HHIPL2: variants seen among roughly 807,000 people sequenced by gnomAD.
HHIPL2 encodes HHIP like 2, also known as HHIP-like protein 2.
HHIPL2 carries 61 observed loss-of-function variants against 61.0 expected under a neutral mutation model. That is an observed-to-expected ratio of 1.00 (90% CI 0.81 to 1.24). The LOEUF is 1.24. Among genes scored for constraint, HHIPL2 ranks in the 50% most tolerant of loss-of-function variants. The pLI, the probability that HHIPL2 is intolerant of heterozygous loss-of-function variation, is 0.00. For missense variants in HHIPL2, 885 were observed against 910.2 expected (o/e 0.97, Z 0.36); for synonymous variants, 343 against 357.4 (o/e 0.96, Z 0.45).
intron 7 of HHIPL2, among the ~76,000 whole-genome samples, chr1:222,526,001 A>C (rs1296614625): frequency 6.6e-6 from 1 of 151,114 alleles, no homozygotes; most frequent in African/African-American, 2.4e-5. Flanking sequence ...TGTGTCTATT[A>C]AATAAAAAAT....
chr1:222,538,431 G>T (rs981693875), intron 5 of HHIPL2, among the ~76,000 whole-genome samples: 18 of 151,114 alleles, frequency 1.2e-4, no homozygotes, highest in African/African-American at 2.9e-4. Context: ...GACAGAGAGA[G>T]AGAGAGAGAG....
Position 222,523,704 on chromosome 1 carries a change from C to G in HHIPL2, c.1806-10G>C, listed in dbSNP as rs772561627. The G allele has an allele frequency of 4.3e-6, 7 of 1,613,940 alleles. No individual in the cohort carries two copies. Among genetic ancestry groups the G allele is most frequent in the Non-Finnish European group, 5.9e-6 (7 of 1,179,862 alleles). ...GCCTGGGGGTGCTCGCCTAAAAACA[C>G]AAACAGAAAGCATGAGGACGCAAGA... On this transcript the variant is annotated splice_polypyrimidine_tract_variant and intron_variant, in intron 7 of 8. Coordinates refer to ENST00000343410, the MANE Select transcript of HHIPL2 (RefSeq NM_024746.4).
rs373367712 is a variant in HHIPL2, at chr1:222,544,148, G to A, written c.363C>T (p.Asn121=). Residue 121 remains asparagine (N), a synonymous_variant, in exon 2 of 9, where the codon AAC becomes AAT. Transcript: ENST00000343410. The part of the protein sequence containing the change: ...PYAAHLYDAE[N]TQTPLRNLPG... ...GGAGATTCCGGAGAGGCGTCTGGGT[G>A]TTTTCGGCGTCGTAGAGGTGGGCTG... 2.5e-6 allele frequency: 4 copies of A among 1,613,556 alleles called. No homozygotes were observed. In the African/African-American group the frequency reaches 5.3e-5, roughly 22 times the overall value.
chr1:222,527,141 T>G (rs1043628210), intron 6 of HHIPL2, 91 bp from the exon 7 acceptor site: 50 of 986,874 alleles, frequency 5.1e-5, no homozygotes, highest in Non-Finnish European at 7.6e-5. Flanking sequence ...AAAAAGAGGT[T>G]ATGGCCCTAA....
chr1:222,537,107 C>A (rs1659316760), intron 5 of HHIPL2, among the ~76,000 whole-genome samples: 1 of 152,028 alleles, frequency 6.6e-6, no homozygotes, highest in African/African-American at 2.4e-5. Context: ...TGCAAGACTG[C>A]TCTAGCAATT....
Position 222,547,852 on chromosome 1 carries a change from C to A in HHIPL2, c.193G>T (p.Glu65Ter), listed in dbSNP as rs1659588504. The A allele has an allele frequency of 6.2e-7, 1 of 1,614,144 alleles. No individual in the cohort carries two copies. The highest frequency in any genetic ancestry group is 8.5e-7 in the Non-Finnish European group (1 of 1,180,024). The stretch of plus-strand genomic sequence containing the variant: ...TGCTGATCACAGCAGCCGAAGGACT[C>A]ATAGTCAGAGCAAAACTCAAGGTGC... Reference protein sequence around the residue: ...PLHLEFCSDYESFGCCDQHKD... With the variant: ...PLHLEFCSDY Residue 65 changes from glutamate to a stop codon, truncating the protein, a stop_gained, in exon 1 of 9, where the codon GAG (glutamate) becomes TAG (stop). Transcript: ENST00000343410. LOFTEE classifies it high-confidence loss of function.
intron 6 of HHIPL2, among the ~76,000 whole-genome samples, chr1:222,531,190 C>A (rs574827224): frequency 1.3e-5 from 2 of 152,156 alleles, no homozygotes; most frequent in African/African-American, 2.4e-5. Flanking sequence ...AAATAAAATT[C>A]TCCTTTTCTC....
chr1:222,523,474 A>T lies in HHIPL2; in HGVS notation c.1888+138T>A, dbSNP rs1658997442. ...TCCTTACACTCATAACTCCTCTGTT[A>T]TGCAGAGGAGACGTATAGACTTAGT... On this transcript the variant is annotated intron_variant, in intron 8 of 8. Transcript: ENST00000343410. 9 of 729,800 alleles carry T rather than the reference A, an allele frequency of 1.2e-5. No homozygotes were observed. In the Admixed American group the frequency reaches 1.6e-4, roughly 13 times the overall value. 45.2% of individuals were successfully genotyped at this position (729,800 alleles called of 1,614,324 possible).
At chr1:222,541,558 G>A (rs925081562) in intron 3 of HHIPL2, among the ~76,000 whole-genome samples, 7 of 152,070 alleles carry the variant, frequency 4.6e-5, no homozygotes, top group Non-Finnish European at 5.9e-5. Context: ...GCCCTTGAAG[G>A]TTGCTAAAAT....
At chr1:222,528,478 A>T (rs1041163281) in intron 6 of HHIPL2, among the ~76,000 whole-genome samples, 6 of 152,248 alleles carry the variant, frequency 3.9e-5, no homozygotes, top group African/African-American at 1.4e-4. Flanking sequence ...GTGGTGGCAC[A>T]CGCCTGTGAT....
Position 222,543,571 on chromosome 1 carries a change from C to T in HHIPL2, c.940G>A (p.Ala314Thr). Residue 314 changes from alanine to threonine, a missense_variant, in exon 2 of 9, where the codon GCT (alanine) becomes ACT (threonine). Coordinates refer to ENST00000343410, the MANE Select transcript of HHIPL2 (RefSeq NM_024746.4). ...IRISEMKVSR[A>T]DPNKADLKSE... Reference sequence around the variant, plus strand: ...TTCAGGTCAGCTTTGTTAGGATCAGCCCGAGAAACCTTCATCTCACTAATT... The same window carrying T: ...TTCAGGTCAGCTTTGTTAGGATCAGTCCGAGAAACCTTCATCTCACTAATT... The T allele has an allele frequency of 6.2e-7, 1 of 1,613,824 alleles. No homozygotes were observed. Among genetic ancestry groups the T allele is most frequent in the Non-Finnish European group, 8.5e-7 (1 of 1,179,798 alleles).
chr1:222,532,710 C>T (rs1659218648), intron 5 of HHIPL2, among the ~76,000 whole-genome samples: 1 of 151,790 alleles, frequency 6.6e-6, no homozygotes, highest in African/African-American at 2.4e-5. Context: ...TGGGTAGTTG[C>T]CCAATATCTC....
chr1:222,538,806 C>T (rs768401643), intron 4 of HHIPL2, 32 bp from the exon 5 acceptor site: 8 of 1,609,050 alleles, frequency 5.0e-6, no homozygotes, highest in Middle Eastern at 1.7e-4. Flanking sequence ...GAGTGAGTGT[C>T]GTGGCCTAAA....
At chr1:222,532,474 C>G (rs1217561075) in intron 5 of HHIPL2, among the ~76,000 whole-genome samples, 2 of 152,062 alleles carry the variant, frequency 1.3e-5, no homozygotes, top group Non-Finnish European at 2.9e-5. Flanking sequence ...ATTAGCCAGG[C>G]AGGGTGGTGC....
intron 7 of HHIPL2, 148 bp from the exon 8 acceptor site, chr1:222,523,842 A>G (rs1369006885): frequency 1.8e-5 from 13 of 704,532 alleles, no homozygotes; most frequent in Non-Finnish European, 1.7e-5. Context: ...GAAATATGCT[A>G]TGAGCTCAGA....
At chr1:222,524,076 A>T in intron 7 of HHIPL2, 1 of 184,026 alleles carries the variant, frequency 5.4e-6, no homozygotes. Context: ...ACAAGAGCTC[A>T]CAGATGAGGA....
chr1:222,544,337 T>C, intron 1 of HHIPL2, 148 bp from the exon 2 acceptor site: 1 of 811,118 alleles, frequency 1.2e-6, no homozygotes, highest in Non-Finnish European at 1.9e-6. Context: ...GCTAAAACTC[T>C]TCTCTGTGAT....
chr1:222,523,813 G>A, intron 7 of HHIPL2, 119 bp from the exon 8 acceptor site: 1 of 833,286 alleles, frequency 1.2e-6, no homozygotes, highest in Non-Finnish European at 2.0e-6. Context: ...TATCCATGGG[G>A]ATGGGGTAGA....
In HHIPL2 at chr1:222,522,497, C is replaced by A; in HGVS notation, c.*104G>T. Reference sequence around the variant, plus strand: ...GGAAAACCGCCCTGCCCCACCTCTACCCTGGCTTCCCAGACTTCTAAGGTC... The same window carrying A: ...GGAAAACCGCCCTGCCCCACCTCTAACCTGGCTTCCCAGACTTCTAAGGTC... On this transcript the variant is annotated 3_prime_UTR_variant, in exon 9 of 9. Transcript: ENST00000343410. 1 of 1,294,994 alleles carries A rather than the reference C, an allele frequency of 7.7e-7. No individual in the cohort carries two copies. Among genetic ancestry groups the A allele is most frequent in the Non-Finnish European group, 1.1e-6 (1 of 940,494 alleles). 80.2% of individuals were successfully genotyped at this position (1,294,994 alleles called of 1,614,324 possible).
Sources: allele counts gnomAD v4.1 joint callset (sites outside exome capture counted in the v4.1 genomes callset), GRCh38; gene constraint gnomAD v4.1.1; transcripts MANE v1.5; gene names NCBI Gene and HGNC (gene_info 2026-07-23, HGNC 2026-07-21).